PLCE1: variants seen among roughly 807,000 people sequenced by gnomAD.
The protein encoded by PLCE1 is phospholipase C epsilon 1, also known as 1-phosphatidylinositol 4,5-bisphosphate phosphodiesterase epsilon-1.
In PLCE1, 119 loss-of-function variants were observed where a neutral mutation model predicts 242.8. That is an observed-to-expected ratio of 0.49 (90% CI 0.42 to 0.57). The LOEUF is 0.57. PLCE1 is among the 20% of genes least tolerant of loss of function. The pLI is 0.00. For synonymous variants in PLCE1, 945 were observed against 1,017.4 expected (o/e 0.93, Z 1.35); for missense variants, 2,441 against 2,788.8 (o/e 0.88, Z 2.81).
chr10:94,225,288 A>G (rs2049899098), intron 4 of PLCE1: 1 of 152,178 alleles, frequency 6.6e-6, no homozygotes, highest in Non-Finnish European at 1.5e-5. Context: ...GACTCTTCTC[A>G]GTATTTTCTC....
intron 2 of PLCE1, among the ~76,000 whole-genome samples, chr10:94,123,421 G>A (rs74151053): frequency 0.023 from 3,559 of 152,310 alleles, 130 homozygotes; most frequent in African/African-American, 0.081. Context: ...TCTTTCCGGA[G>A]TTCTGTTTGG....
At chr10:94,312,450 A>G (rs1452910359) in intron 27 of PLCE1, among the ~76,000 whole-genome samples, 2 of 152,216 alleles carry the variant, frequency 1.3e-5, no homozygotes, top group Non-Finnish European at 2.9e-5. Flanking sequence ...GGCCATTTCT[A>G]AGTCTTCATA....
intron 2 of PLCE1, among the ~76,000 whole-genome samples, chr10:94,053,238 A>T (rs991323275): frequency 6.6e-6 from 1 of 152,236 alleles, no homozygotes; most frequent in African/African-American, 2.4e-5. Context: ...AATGAGAATC[A>T]TGAAAATAAC....
chr10:94,059,702 C>T (rs897754416), intron 2 of PLCE1, among the ~76,000 whole-genome samples: 12 of 152,178 alleles, frequency 7.9e-5, no homozygotes, highest in African/African-American at 2.7e-4. Flanking sequence ...TACTCATGCA[C>T]TATTGCACTG....
At chr10:94,133,767 G>A (rs142934900) in intron 3 of PLCE1, among the ~76,000 whole-genome samples, 230 of 152,282 alleles carry the variant, frequency 1.5e-3, no homozygotes, top group Middle Eastern at 6.8e-3. Context: ...ATGGCTTCAT[G>A]TTTTTCAGCC....
At chr10:94,154,060 ATTTC>A (rs1416540609) in intron 3 of PLCE1, among the ~76,000 whole-genome samples, 1 of 152,218 alleles carries the variant, frequency 6.6e-6, no homozygotes, top group Non-Finnish European at 1.5e-5. Context: ...AAGATTTCTT[ATTTC>A]AAAACTTACT....
At chr10:94,180,187 G>A (rs776095317) in intron 4 of PLCE1, among the ~76,000 whole-genome samples, 11 of 151,924 alleles carry the variant, frequency 7.2e-5, no homozygotes, top group African/African-American at 1.5e-4. Flanking sequence ...TCCACCACTC[G>A]GTTCTCTTAC....
rs750023457 is a variant in PLCE1 at position 94,321,858 on chromosome 10, C to T, written c.6343-43C>T. On this transcript the variant is annotated intron_variant, in intron 29 of 32. Transcript: ENST00000371380. ...GCTAGATTTGTCTTTCTTTATTCTG[C>T]ATAAACCTATTATTTACTCACATTT... The T allele has an allele frequency of 5.4e-6, 8 of 1,472,038 alleles. No individual in the cohort carries two copies. In the Admixed American group the frequency reaches 1.2e-4, roughly 22 times the overall value. The allele number at this position is 1,472,038 out of a possible 1,614,324, so 91.2% of individuals were successfully genotyped here. A position where few individuals can be genotyped will look rare whatever the true frequency, so the allele number is the denominator to read the frequency against.
chr10:94,149,095 T>C (rs574546885), intron 3 of PLCE1, among the ~76,000 whole-genome samples: 32 of 152,206 alleles, frequency 2.1e-4, no homozygotes, highest in African/African-American at 7.0e-4. Context: ...TGAAATGTAA[T>C]GAAAATTAGA....
intron 22 of PLCE1, chr10:94,287,318 TTTC>T (rs1392818224): frequency 6.6e-6 from 1 of 152,190 alleles, no homozygotes; most frequent in African/African-American, 2.4e-5. Flanking sequence ...CTTCTAAATA[TTTC>T]TTTTTACAAT....
intron 2 of PLCE1, among the ~76,000 whole-genome samples, chr10:94,102,202 G>A (rs924118501): frequency 2.0e-5 from 3 of 152,162 alleles, no homozygotes; most frequent in Non-Finnish European, 4.4e-5. Context: ...ACAACAACCT[G>A]TCTAGGGGGC....
In PLCE1 at chr10:94,289,586, G is replaced by A. The variant is rs576942415; in HGVS notation, c.5036-3922G>A. On this transcript the variant is annotated intron_variant, in intron 22 of 32. Transcript: ENST00000371380. ...TGCTCCTAAGCTACCAGCCTGTACG[G>A]CATGTTACTGCACTGAATACGGTAG... Among the ~76,000 whole-genome samples, 7 of 152,284 alleles carry A rather than the reference G, an allele frequency of 4.6e-5. No homozygotes were observed. The East Asian group carries it at 5.8e-4, about 13-fold the overall frequency.
intron 11 of PLCE1, among the ~76,000 whole-genome samples, chr10:94,256,341 AG>A (rs768310100): frequency 0.072 from 9,569 of 133,366 alleles, 610 homozygotes; most frequent in African/African-American, 0.15. Context: ...AAAAAAAAAA[AG>A]AAAGAAAGAA....
At chr10:94,123,395 A>C (rs186480957) in intron 2 of PLCE1, among the ~76,000 whole-genome samples, 2 of 152,198 alleles carry the variant, frequency 1.3e-5, no homozygotes, top group African/African-American at 4.8e-5. Flanking sequence ...TGGTTTTAGC[A>C]AAGTCTTTAT....
chr10:94,042,981 C>CT (rs1411761221), intron 2 of PLCE1, among the ~76,000 whole-genome samples: 4 of 152,098 alleles, frequency 2.6e-5, no homozygotes, highest in African/African-American at 9.7e-5. Flanking sequence ...ACCAACCGAC[C>CT]TAAGTATGAA....
intron 3 of PLCE1, among the ~76,000 whole-genome samples, chr10:94,159,300 T>C (rs925887867): frequency 2.6e-5 from 4 of 152,192 alleles, no homozygotes; most frequent in Non-Finnish European, 4.4e-5. Flanking sequence ...TTTGTTACTT[T>C]GAAAACCAAT....
chr10:94,234,197 G>A lies in PLCE1; in HGVS notation c.2099G>A (p.Cys700Tyr), dbSNP rs755267829. The change falls in exon 6 of 33, where the codon TGT (cysteine) becomes TAT (tyrosine). Residue 700 changes from cysteine (C) to tyrosine (Y), a missense_variant. Physicochemically the swap from Cys to Tyr is radical, Grantham distance 194 (BLOSUM62 -2). Transcript: ENST00000371380. ...ACACGTGCCCTGCACATCCCTGGCTGTAAGGTGGTTCCATTCTGTGGGGTG... is the reference window on the plus strand; with the variant it reads ...ACACGTGCCCTGCACATCCCTGGCTATAAGGTGGTTCCATTCTGTGGGGTG... ...VVTRALHIPG[C>Y]KVVPFCGVFL... 1.2e-6 allele frequency: 2 copies of A among 1,614,190 alleles called. No homozygotes were observed.
At chr10:94,114,514 A>G (rs1446847744) in intron 2 of PLCE1, among the ~76,000 whole-genome samples, 2 of 152,162 alleles carry the variant, frequency 1.3e-5, no homozygotes, top group African/African-American at 4.8e-5. Context: ...GGCTCAGTTC[A>G]TTCATGAAGA....
intron 19 of PLCE1, among the ~76,000 whole-genome samples, chr10:94,274,751 A>G (rs555112432): frequency 1.1e-4 from 17 of 152,096 alleles, no homozygotes; most frequent in Admixed American, 2.6e-4. Flanking sequence ...CCAGTTGGAG[A>G]CCTCCAGTAG....
Sources: allele counts gnomAD v4.1 joint callset (sites outside exome capture counted in the v4.1 genomes callset), GRCh38; gene constraint gnomAD v4.1.1; transcripts MANE v1.5; gene names NCBI Gene and HGNC (gene_info 2026-07-23, HGNC 2026-07-21).